Variants in ARL6 observed in about 807,000 individuals in gnomAD.
ARL6 encodes ADP-ribosylation factor-like protein 6.
Under a neutral mutation model 27.1 loss-of-function variants are expected in ARL6, and 18 were observed. The ratio of observed to expected loss-of-function variants is 0.66; its 90% CI spans 0.46 to 0.98. The LOEUF is 0.98. Among genes scored for constraint, ARL6 ranks in the 50% least tolerant of loss-of-function variants. The pLI, the probability that ARL6 is intolerant of heterozygous loss-of-function variation, is 0.00. For missense variants in ARL6, 187 were observed against 214.9 expected (o/e 0.87, Z 0.81); for synonymous variants, 65 against 72.3 (o/e 0.90, Z 0.51).
At chr3:97,792,289 C>G (rs138513211) in intron 7 of ARL6, among the ~76,000 whole-genome samples, 2,092 of 152,078 alleles carry the variant, frequency 0.014, 50 homozygotes, top group African/African-American at 0.048. Flanking sequence ...GTCAGGAGAT[C>G]GAGGCCAACA....
chr3:97,766,643 T>C (rs1280518528), intron 1 of ARL6: 1 of 152,200 alleles, frequency 6.6e-6, no homozygotes, highest in African/African-American at 2.4e-5. Context: ...TACAGTTGTC[T>C]TGGAAGCCTG....
intron 6 of ARL6, among the ~76,000 whole-genome samples, chr3:97,789,051 G>A (rs2037599037): frequency 6.6e-6 from 1 of 152,132 alleles, no homozygotes; most frequent in Admixed American, 6.5e-5. Context: ...GGAGGTCATA[G>A]AGTTCAGAAA....
At chr3:97,797,218 C>A (rs987615392) in intron 7 of ARL6, among the ~76,000 whole-genome samples, 1 of 152,034 alleles carries the variant, frequency 6.6e-6, no homozygotes, top group Non-Finnish European at 1.5e-5. Flanking sequence ...TTCAAGAAGG[C>A]AAAGTAGATG....
At chr3:97,783,217 T>A (rs1193410110) in intron 4 of ARL6, among the ~76,000 whole-genome samples, 1 of 151,668 alleles carries the variant, frequency 6.6e-6, no homozygotes, top group Non-Finnish European at 1.5e-5. Flanking sequence ...CCATTGTCAA[T>A]CTTTTTGGTA....
intron 4 of ARL6, among the ~76,000 whole-genome samples, chr3:97,782,306 G>A (rs1454031471): frequency 6.6e-6 from 1 of 151,718 alleles, no homozygotes; most frequent in African/African-American, 2.4e-5. Context: ...AATATATATA[G>A]AGAGAAAATA....
chr3:97,777,209 A>C (rs1390570001), intron 2 of ARL6, among the ~76,000 whole-genome samples: 3 of 152,150 alleles, frequency 2.0e-5, no homozygotes, highest in African/African-American at 7.2e-5. Flanking sequence ...TTTTTATCAG[A>C]CTTAATGAAA....
rs537069563 is a variant in ARL6 at position 97,794,191 on chromosome 3, G to T, written c.535+2365G>T. On this transcript the variant is annotated intron_variant, in intron 7 of 7. Coordinates refer to ENST00000463745, the MANE Select transcript of ARL6 (RefSeq NM_001278293.3). ...TTTTCTTTCTTTTGTGTGTGTGTGTGTGTGTGTGTGTGTGTGTGTGTGTGT... is the reference window on the plus strand; with the variant it reads ...TTTTCTTTCTTTTGTGTGTGTGTGTTTGTGTGTGTGTGTGTGTGTGTGTGT... Among the ~76,000 whole-genome samples the T allele has an allele frequency of 7.3e-5, 11 of 149,754 alleles. No individual in the cohort carries two copies. The East Asian group carries it at 9.8e-4, about 13-fold the overall frequency.
intron 1 of ARL6, chr3:97,766,721 A>G (rs899646069): frequency 6.6e-6 from 1 of 152,256 alleles, no homozygotes; most frequent in Non-Finnish European, 1.5e-5. Flanking sequence ...GTATGGAATA[A>G]AAAGTATTGA....
At chr3:97,775,807 T>C (rs1576441566) in intron 2 of ARL6, among the ~76,000 whole-genome samples, 1 of 152,194 alleles carries the variant, frequency 6.6e-6, no homozygotes, top group African/African-American at 2.4e-5. Context: ...ATACTTGATA[T>C]GATTTCTACC....
chr3:97,786,946 G>A (rs992692126), intron 5 of ARL6, among the ~76,000 whole-genome samples: 17 of 152,098 alleles, frequency 1.1e-4, no homozygotes, highest in Non-Finnish European at 1.5e-4. Context: ...ATTCTTATAC[G>A]TGGTTGTTGA....
intron 7 of ARL6, among the ~76,000 whole-genome samples, chr3:97,792,975 T>A (rs1052381021): frequency 1.8e-4 from 28 of 152,126 alleles, no homozygotes; most frequent in African/African-American, 6.5e-4. Flanking sequence ...TTTTTTTTTT[T>A]AAATCTTCTG....
At chr3:97,787,296 G>A (rs919307344) in intron 5 of ARL6, among the ~76,000 whole-genome samples, 1 of 152,032 alleles carries the variant, frequency 6.6e-6, no homozygotes, top group East Asian at 1.9e-4. Context: ...AAAGATAAAG[G>A]TATAAAGTAA....
At chr3:97,783,142 T>C (rs2037281263) in intron 4 of ARL6, among the ~76,000 whole-genome samples, 2 of 151,546 alleles carry the variant, frequency 1.3e-5, no homozygotes, top group African/African-American at 4.8e-5. Flanking sequence ...ATTTTTTAAA[T>C]TTGGAAAATA....
intron 7 of ARL6, among the ~76,000 whole-genome samples, chr3:97,797,424 G>T (rs76721568): frequency 0.014 from 2,092 of 152,222 alleles, 50 homozygotes; most frequent in African/African-American, 0.048. Context: ...AGCATTTACA[G>T]AGTCATCATA....
intron 2 of ARL6, 146 bp from the exon 3 acceptor site, chr3:97,780,013 T>G (rs1473073181): frequency 3.0e-6 from 2 of 670,766 alleles, no homozygotes; most frequent in African/African-American, 3.6e-5. Flanking sequence ...CACAGAGTGA[T>G]CCTATTGAAA....
intron 1 of ARL6, chr3:97,766,107 T>C (rs548784307): frequency 1.3e-5 from 2 of 152,270 alleles, no homozygotes; most frequent in Non-Finnish European, 2.9e-5. Flanking sequence ...GAAAAACGAA[T>C]ATTCAAGCAT....
intron 2 of ARL6, among the ~76,000 whole-genome samples, chr3:97,773,196 C>T (rs546105523): frequency 1.7e-4 from 26 of 152,160 alleles, no homozygotes; most frequent in Non-Finnish European, 2.9e-4. Context: ...ACTTGGAGTC[C>T]GATGTTCAAG....
chr3:97,774,961 A>G (rs1291592851), intron 2 of ARL6, among the ~76,000 whole-genome samples: 2 of 152,224 alleles, frequency 1.3e-5, no homozygotes, highest in Admixed American at 6.5e-5. Flanking sequence ...TATTATGTAT[A>G]GAGTCACTAA....
At chr3:97,776,670 T>A (rs188767110) in intron 2 of ARL6, among the ~76,000 whole-genome samples, 148 of 152,172 alleles carry the variant, frequency 9.7e-4, no homozygotes, top group Non-Finnish European at 1.5e-3. Context: ...TTATTTTTTT[T>A]TTTTGAGACA....
Sources: allele counts gnomAD v4.1 joint callset (sites outside exome capture counted in the v4.1 genomes callset), GRCh38; gene constraint gnomAD v4.1.1; transcripts MANE v1.5; gene names NCBI Gene and HGNC (gene_info 2026-07-23, HGNC 2026-07-21).